SLC4A4: variants seen among roughly 807,000 people sequenced by gnomAD.
SLC4A4 encodes electrogenic sodium bicarbonate cotransporter 1.
SLC4A4 carries 27 observed loss-of-function variants against 111.5 expected under a neutral mutation model. The observed-to-expected ratio is 0.24, with a 90% CI of 0.18 to 0.33. The LOEUF is 0.33. Ranked by LOEUF, SLC4A4 falls within the 10% of genes least tolerant of loss-of-function variation. SLC4A4 has a pLI of 1.00. For synonymous variants in SLC4A4, 443 were observed against 463.4 expected (o/e 0.96, Z 0.57); for missense variants, 909 against 1,315.5 (o/e 0.69, Z 4.78).
At chr4:71,082,527 G>T (rs1742021088) in intron 1 of SLC4A4, among the ~76,000 whole-genome samples, 2 of 151,958 alleles carry the variant, frequency 1.3e-5, no homozygotes, top group African/African-American at 4.8e-5. Flanking sequence ...CTTTCCAATG[G>T]TCTTCTCTTT....
chr4:71,285,883 C>T (rs1342579334), intron 3 of SLC4A4, among the ~76,000 whole-genome samples: 2 of 152,100 alleles, frequency 1.3e-5, no homozygotes, highest in Non-Finnish European at 2.9e-5. Context: ...CATAACAAAA[C>T]TTTGAAGCAG....
At chr4:71,480,266 A>C (rs1401811679) in intron 14 of SLC4A4, among the ~76,000 whole-genome samples, 1 of 151,540 alleles carries the variant, frequency 6.6e-6, no homozygotes, top group African/African-American at 2.4e-5. Flanking sequence ...ACTTGTGAAG[A>C]GTGCCTGTAG....
chr4:71,490,729 C>T (rs1729826599), intron 15 of SLC4A4, among the ~76,000 whole-genome samples: 1 of 151,770 alleles, frequency 6.6e-6, no homozygotes, highest in Admixed American at 6.6e-5. Context: ...TACCCATGCA[C>T]TTGGCAAAGA....
chr4:71,447,592 G>T, intron 8 of SLC4A4, 54 bp from the exon 9 acceptor site: 4 of 1,094,946 alleles, frequency 3.7e-6, no homozygotes, highest in Non-Finnish European at 5.6e-6. Flanking sequence ...TTTTATGTAT[G>T]TTGAGTTTGA....
intron 1 of SLC4A4, among the ~76,000 whole-genome samples, chr4:71,092,463 T>C (rs1406747455): frequency 6.6e-6 from 1 of 152,222 alleles, no homozygotes; most frequent in African/African-American, 2.4e-5. Flanking sequence ...CATAAGGAGA[T>C]ATTTGTCGAG....
intron 20 of SLC4A4, among the ~76,000 whole-genome samples, chr4:71,550,494 A>C (rs1735890894): frequency 1.3e-5 from 2 of 151,916 alleles, no homozygotes; most frequent in South Asian, 4.1e-4. Flanking sequence ...TAACCTTAGA[A>C]TTCACAAAGA....
chr4:71,436,442 A>G (rs924289727), intron 7 of SLC4A4, among the ~76,000 whole-genome samples: 3 of 152,186 alleles, frequency 2.0e-5, no homozygotes, highest in African/African-American at 7.2e-5. Context: ...TAATATTAGG[A>G]GAAATGCCTA....
At chr4:71,353,465 C>T (rs571519795) in intron 5 of SLC4A4, among the ~76,000 whole-genome samples, 10 of 152,222 alleles carry the variant, frequency 6.6e-5, no homozygotes, top group Non-Finnish European at 2.9e-5. Context: ...AAGAGTGTCA[C>T]TAGCTAAAAA....
chr4:71,095,688 A>G (rs1470201867), intron 2 of SLC4A4, among the ~76,000 whole-genome samples: 1 of 152,210 alleles, frequency 6.6e-6, no homozygotes, highest in Non-Finnish European at 1.5e-5. Flanking sequence ...ATAATAGTGA[A>G]CAAGAAGGGT....
intron 13 of SLC4A4, among the ~76,000 whole-genome samples, chr4:71,470,471 T>C (rs1203640911): frequency 6.6e-6 from 1 of 152,052 alleles, no homozygotes. Flanking sequence ...CTACAATTTT[T>C]AAAAGGAAAA....
intron 14 of SLC4A4, among the ~76,000 whole-genome samples, chr4:71,481,429 A>G (rs1310108394): frequency 1.3e-5 from 2 of 151,692 alleles, no homozygotes; most frequent in African/African-American, 4.8e-5. Context: ...AAGAACCTTT[A>G]ACAGTGCAAC....
At chr4:71,167,553 C>T (rs747487065) in intron 2 of SLC4A4, among the ~76,000 whole-genome samples, 10 of 151,728 alleles carry the variant, frequency 6.6e-5, no homozygotes, top group Non-Finnish European at 1.5e-4. Flanking sequence ...GTGACATTGG[C>T]CAAAGAAAAA....
chr4:71,532,599 A>G lies in SLC4A4; in HGVS notation c.2280+424A>G, dbSNP rs529384690. 1.2e-4 allele frequency among the ~76,000 whole-genome samples: 18 copies of G among 152,080 alleles called. No homozygotes were observed. In the South Asian group the frequency reaches 3.7e-3, roughly 32 times the overall value. ...CAGCTCACTGCAACCTTTGCCTCCT[A>G]GGTTCAAAGAATCCTCCCACATTAG... On this transcript the variant is annotated intron_variant, in intron 17 of 25. Transcript: ENST00000264485.
At chr4:71,188,753 T>G (rs1277746459) in intron 1 of SLC4A4, among the ~76,000 whole-genome samples, 2 of 152,334 alleles carry the variant, frequency 1.3e-5, no homozygotes, top group East Asian at 3.9e-4. Context: ...CGTTTCTGAC[T>G]ACAGCTCTCT....
chr4:71,223,214 C>T (rs1293578869), intron 1 of SLC4A4, among the ~76,000 whole-genome samples: 1 of 151,168 alleles, frequency 6.6e-6, no homozygotes, highest in Non-Finnish European at 1.5e-5. Flanking sequence ...CTCCCTCTGT[C>T]GCCCAGGCTG....
chr4:71,463,415 T>A (rs1727020929), intron 12 of SLC4A4, among the ~76,000 whole-genome samples: 1 of 152,178 alleles, frequency 6.6e-6, no homozygotes, highest in Non-Finnish European at 1.5e-5. Flanking sequence ...TGTTATTTTT[T>A]AAATTTCTGT....
chr4:71,247,381 G>C (rs2149050638), intron 2 of SLC4A4, among the ~76,000 whole-genome samples: 1 of 149,716 alleles, frequency 6.7e-6, no homozygotes, highest in East Asian at 1.9e-4. Context: ...ATATTAAATA[G>C]TTGATACCTG....
intron 7 of SLC4A4, among the ~76,000 whole-genome samples, chr4:71,428,816 A>G (rs4353873): frequency 0.2 from 29,985 of 152,030 alleles, 3,296 homozygotes; most frequent in South Asian, 0.42. Context: ...GAGGGGAAAA[A>G]ATAATGTATA....
intron 6 of SLC4A4, among the ~76,000 whole-genome samples, chr4:71,374,152 T>G (rs1184512907): frequency 6.6e-6 from 1 of 152,232 alleles, no homozygotes; most frequent in Non-Finnish European, 1.5e-5. Flanking sequence ...AACCACCACA[T>G]CACAACTCTC....
Sources: gnomAD v4.1 joint callset for allele counts (sites outside exome capture counted in the v4.1 genomes callset) on GRCh38, gnomAD v4.1.1 for gene constraint, MANE v1.5 for transcripts, NCBI Gene and HGNC (gene_info 2026-07-23, HGNC 2026-07-21) for gene names.